The following TAS1R1 variants were observed in gnomAD, a reference collection of about 807,000 sequenced individuals.
The protein encoded by TAS1R1 is taste receptor type 1 member 1.
In TAS1R1, 31 loss-of-function variants were observed where a neutral mutation model predicts 45.8. That is an observed-to-expected ratio of 0.68 (90% CI 0.51 to 0.91). TAS1R1 has a LOEUF of 0.91. Among genes scored for constraint, TAS1R1 ranks in the 40% least tolerant of loss-of-function variants. The probability of loss-of-function intolerance (pLI) is 0.00; values close to 1 mark genes in which losing one functional copy is unlikely to be tolerated. For synonymous variants in TAS1R1, 437 were observed against 448.4 expected (o/e 0.97, Z 0.32); for missense variants, 1,051 against 1,063.9 (o/e 0.99, Z 0.17).
At chr1:6,563,567 T>A (rs1639824153) in intron 1 of TAS1R1, among the ~76,000 whole-genome samples, 1 of 152,122 alleles carries the variant, frequency 6.6e-6, no homozygotes, top group African/African-American at 2.4e-5. Flanking sequence ...CTCAGTCTTT[T>A]GAGGGAATGG....
intron 1 of TAS1R1, among the ~76,000 whole-genome samples, chr1:6,568,316 G>A (rs1405608478): frequency 6.6e-5 from 10 of 152,122 alleles, no homozygotes; most frequent in African/African-American, 1.9e-4. Flanking sequence ...TTAGCCGGGC[G>A]TGGCGGCGGG....
At position 6,575,376 on chromosome 1, in the gene TAS1R1, G is replaced by C. The variant is rs144658439; in HGVS notation, c.1244G>C (p.Arg415Pro). ...GCASGACSRG[R>P]VYPWQLLEQI... ...GCCTCTGGAGCTTGTTCCAGGGGCC[G>C]AGTCTACCCCTGGCAGGTAAGAGAG... The change falls in exon 3 of 6, where the codon CGA becomes CCA. Residue 415 changes from arginine (R) to proline (P), a missense_variant. By Grantham distance (103) the Arg-to-Pro change is moderately radical. Transcript: ENST00000333172. 1 of 1,575,058 alleles carries C rather than the reference G, an allele frequency of 6.3e-7. No homozygotes were observed. Among genetic ancestry groups the C allele is most frequent in the Middle Eastern group, 1.7e-4 (1 of 5,836 alleles).
In TAS1R1 at chr1:6,574,374, C is replaced by T. The variant is rs112781273; in HGVS notation, c.499-257C>T. ...AAGTCCCTGAAGGTCCCCAAACACACGGGACTATTTCACTCCTATGCAGGT... is the reference window on the plus strand; with the variant it reads ...AAGTCCCTGAAGGTCCCCAAACACATGGGACTATTTCACTCCTATGCAGGT... On this transcript the variant is annotated intron_variant, in intron 2 of 5. Coordinates refer to ENST00000333172, the MANE Select transcript of TAS1R1 (RefSeq NM_138697.4). This position sits in a 1 kb window ranked among gnomAD's most constrained non-coding sequence, Gnocchi z 4.3. 3.4e-3 allele frequency among the ~76,000 whole-genome samples: 519 copies of T among 152,346 alleles called. 3 individuals carry two copies. Among genetic ancestry groups the T allele is most frequent in the African/African-American group, 0.012 (493 of 41,572 alleles).
intron 1 of TAS1R1, among the ~76,000 whole-genome samples, chr1:6,568,501 C>T (rs1639924762): frequency 6.4e-5 from 7 of 110,120 alleles, no homozygotes. Flanking sequence ...TCTTGGGAGG[C>T]AGTGTCGATG....
At position 6,574,914 on chromosome 1, in the gene TAS1R1, G is replaced by C. The variant is rs540949734; in HGVS notation, c.782G>C (p.Arg261Pro). The C allele has an allele frequency of 6.2e-7, 1 of 1,613,982 alleles. No homozygotes were observed. The highest frequency in any genetic ancestry group is 1.3e-5 in the African/African-American group (1 of 75,062). ...GATGAGAGGATGCAGTGCCTCATGCGCCACCTGGCCCAGGCCGGGGCCACC... is the reference window on the plus strand; with the variant it reads ...GATGAGAGGATGCAGTGCCTCATGCCCCACCTGGCCCAGGCCGGGGCCACC... ...VGDERMQCLM[R>P]HLAQAGATVV... The change falls in exon 3 of 6, where the codon CGC becomes CCC. Residue 261 changes from arginine to proline, a missense_variant. By Grantham distance (103) the Arg-to-Pro change is moderately radical. Transcript: ENST00000333172. The surrounding 1 kb of genome is among the most constrained non-coding windows in gnomAD (Gnocchi z 4.3).
At position 6,574,583 on chromosome 1, in the gene TAS1R1, G is replaced by A; in HGVS notation, c.499-48G>A. 5 of 1,558,236 alleles carry A rather than the reference G, an allele frequency of 3.2e-6. No individual in the cohort carries two copies. Among genetic ancestry groups the A allele is most frequent in the Non-Finnish European group, 4.3e-6 (5 of 1,149,996 alleles). ...ACACCCAGCACAGGGCCAGGCACTG[G>A]GGGGGCCTTCAGTGGAGACTGAAAT... is the stretch of plus-strand genomic sequence containing the variant. On this transcript the variant is annotated intron_variant, in intron 2 of 5. Coordinates refer to ENST00000333172, the MANE Select transcript of TAS1R1 (RefSeq NM_138697.4). The surrounding 1 kb of genome is among the most constrained non-coding windows in gnomAD (Gnocchi z 4.3).
intron 1 of TAS1R1, among the ~76,000 whole-genome samples, chr1:6,565,184 G>C (rs1463605183): frequency 2.6e-5 from 4 of 152,124 alleles, no homozygotes; most frequent in Admixed American, 2.0e-4. Context: ...TGGGAGGAGA[G>C]GAAGATACTG....
rs1640194517 is a variant in TAS1R1 at position 6,576,894 on chromosome 1, A to G, written c.1474-56A>G. ...ACAGAGATTCTGTTTTCTGTTCCAC[A>G]TGTGAGCTGTCCTTTGACTTGGGCC... On this transcript the variant is annotated intron_variant, in intron 4 of 5. Coordinates refer to ENST00000333172, the MANE Select transcript of TAS1R1 (RefSeq NM_138697.4). The G allele has an allele frequency of 1.9e-6, 3 of 1,612,874 alleles. No homozygotes were observed. In the Admixed American group the frequency reaches 5.0e-5, roughly 27 times the overall value.
Position 6,565,635 on chromosome 1 carries a change from C to G in TAS1R1, c.192-5274C>G, listed in dbSNP as rs190394265. ...TGTTTGTTTGTTTTCTTTTTGGAGACGGAGTCTCGCTCTGTTGCCCAGGCT... is the reference window on the plus strand; with the variant it reads ...TGTTTGTTTGTTTTCTTTTTGGAGAGGGAGTCTCGCTCTGTTGCCCAGGCT... On this transcript the variant is annotated intron_variant, in intron 1 of 5. Transcript: ENST00000333172. Among the ~76,000 whole-genome samples, 6 of 152,190 alleles carry G rather than the reference C, an allele frequency of 3.9e-5. No homozygotes were observed. The East Asian group carries it at 1.2e-3, about 29-fold the overall frequency.
In TAS1R1 at chr1:6,579,363, A is replaced by G; in HGVS notation, c.2305A>G (p.Asn769Asp). ...AKCVTFSLLF[N>D]FVSWIAFFTT... ...ATGTGTCACCTTCAGCCTGCTCTTC[A>G]ACTTCGTGTCCTGGATCGCCTTCTT... Residue 769 changes from asparagine (N) to aspartate (D), a missense_variant, in exon 6 of 6, where the codon AAC becomes GAC. Transcript: ENST00000333172. The G allele has an allele frequency of 6.2e-7, 1 of 1,613,972 alleles. No individual in the cohort carries two copies. Among genetic ancestry groups the G allele is most frequent in the Non-Finnish European group, 8.5e-7 (1 of 1,180,040 alleles).
rs968089352 is a variant in TAS1R1 at position 6,577,192 on chromosome 1, A to G, written c.1594+122A>G. ...ACCAAGGCCCAGTCACTGGGCTGCC[A>G]GTTAGCTTCAGGTTGGAGGACACCT... On this transcript the variant is annotated intron_variant, in intron 5 of 5. Transcript: ENST00000333172. The G allele has an allele frequency of 6.3e-6, 9 of 1,424,204 alleles. No individual in the cohort carries two copies. In the African/African-American group the frequency reaches 1.1e-4, roughly 18 times the overall value. The allele number at this position is 1,424,204 out of a possible 1,614,324, so 88.2% of individuals were successfully genotyped here.
At chr1:6,564,341 G>A (rs1248641503) in intron 1 of TAS1R1, among the ~76,000 whole-genome samples, 2 of 152,122 alleles carry the variant, frequency 1.3e-5, no homozygotes, top group African/African-American at 2.4e-5. Context: ...CGGCTTGTTC[G>A]TGGAGAAGAT....
At chr1:6,562,099 C>T (rs369034772) in intron 1 of TAS1R1, among the ~76,000 whole-genome samples, 7 of 152,174 alleles carry the variant, frequency 4.6e-5, no homozygotes, top group East Asian at 3.8e-4. Context: ...AAACATATGG[C>T]TACTTGAGAT....
intron 1 of TAS1R1, among the ~76,000 whole-genome samples, chr1:6,556,935 G>A (rs1362751250): frequency 2.6e-5 from 4 of 150,998 alleles, no homozygotes; most frequent in East Asian, 2.0e-4. Flanking sequence ...GCATGAACCC[G>A]GAGGTGGAGG....
chr1:6,567,253 T>C (rs1413544411), intron 1 of TAS1R1, among the ~76,000 whole-genome samples: 1 of 152,020 alleles, frequency 6.6e-6, no homozygotes, highest in Non-Finnish European at 1.5e-5. Context: ...TAGGTGGCCC[T>C]GGTATTGATT....
intron 1 of TAS1R1, among the ~76,000 whole-genome samples, chr1:6,566,129 G>A (rs1161639435): frequency 6.6e-6 from 1 of 152,132 alleles, no homozygotes; most frequent in African/African-American, 2.4e-5. Context: ...TGAAGAAGAC[G>A]GCTGGGGGAA....
chr1:6,575,510 G>GT (rs1328059612), intron 3 of TAS1R1, 118 bp downstream of exon 3: 7 of 1,223,924 alleles, frequency 5.7e-6, no homozygotes, highest in Non-Finnish European at 7.6e-6. Context: ...CTAACTTGAG[G>GT]TTTTTTGTTT....
At chr1:6,561,642 G>A (rs187125819) in intron 1 of TAS1R1, among the ~76,000 whole-genome samples, 6 of 151,978 alleles carry the variant, frequency 3.9e-5, no homozygotes, top group Non-Finnish European at 7.4e-5. Context: ...CTGAATCTGG[G>A]AGGCGGAGCT....
At chr1:6,567,426 G>A (rs1570114096) in intron 1 of TAS1R1, among the ~76,000 whole-genome samples, 1 of 152,256 alleles carries the variant, frequency 6.6e-6, no homozygotes, top group East Asian at 1.9e-4. Context: ...CAGGCGTGGT[G>A]GTGTGCGCCT....
Sources: gnomAD v4.1 joint callset for allele counts (sites outside exome capture counted in the v4.1 genomes callset) on GRCh38, gnomAD v4.1.1 for gene constraint, Gnocchi (gnomAD v3.1) non-coding constraint, MANE v1.5 for transcripts, NCBI Gene and HGNC (gene_info 2026-07-23, HGNC 2026-07-21) for gene names.